Variants in PCDHA1 observed in about 807,000 individuals in gnomAD.
PCDHA1 encodes protocadherin alpha 1, also known as protocadherin alpha-1.
In PCDHA1, 42 loss-of-function variants were observed where a neutral mutation model predicts 61.3. The observed-to-expected ratio is 0.69, with a 90% CI of 0.54 to 0.89. The LOEUF (loss-of-function observed/expected upper bound fraction) is 0.89, where lower values mean the gene tolerates loss of function less well. Among genes scored for constraint, PCDHA1 ranks in the 40% least tolerant of loss-of-function variants. The pLI is 0.00. For synonymous variants in PCDHA1, 610 were observed against 553.8 expected (o/e 1.10, Z -1.43); for missense variants, 1,256 against 1,235.3 (o/e 1.02, Z -0.25).
intron 1 of PCDHA1, chr5:140,836,731 C>T (rs2150268895): frequency 1.2e-6 from 2 of 1,609,678 alleles, no homozygotes; most frequent in Middle Eastern, 1.6e-4. Context: ...CCATCCTCTA[C>T]AGACAATGTG....
chr5:140,939,851 A>G (rs1313215259), intron 1 of PCDHA1, among the ~76,000 whole-genome samples: 2 of 152,206 alleles, frequency 1.3e-5, no homozygotes, highest in African/African-American at 4.8e-5. Context: ...TGTGTTCTGT[A>G]TATGTCCATT....
At chr5:140,952,675 T>A (rs2153696875) in intron 1 of PCDHA1, among the ~76,000 whole-genome samples, 1 of 152,326 alleles carries the variant, frequency 6.6e-6, no homozygotes, top group East Asian at 1.9e-4. Context: ...ACTTTCACAT[T>A]TTCAGGATCT....
chr5:140,906,262 A>AAT (rs2072503500), intron 1 of PCDHA1, among the ~76,000 whole-genome samples: 2 of 152,306 alleles, frequency 1.3e-5, no homozygotes, highest in African/African-American at 4.8e-5. Flanking sequence ...CACCTCCTGA[A>AAT]ATTATAGATA....
Position 140,787,571 on chromosome 5 carries a change from G to C in PCDHA1, c.1281G>C (p.Ala427=). 1 of 1,614,220 alleles carries C rather than the reference G, an allele frequency of 6.2e-7. No homozygotes were observed. The highest frequency in any genetic ancestry group is 8.5e-7 in the Non-Finnish European group (1 of 1,180,046). ...CGGTCTATGAGCTGGTGGTGACCGC[G>C]CGGGACGGGGGCTCGCCTTCGCTGT... ...SLSVYELVVT[A]RDGGSPSLWA... Residue 427 remains alanine, a synonymous_variant, in exon 1 of 4, where the codon GCG becomes GCC. Transcript: ENST00000504120.
intron 1 of PCDHA1, among the ~76,000 whole-genome samples, chr5:140,880,228 A>G (rs2058273237): frequency 6.6e-6 from 1 of 152,196 alleles, no homozygotes; most frequent in Non-Finnish European, 1.5e-5. Context: ...GAACATTTAA[A>G]TTAGTGTATG....
chr5:140,883,817 G>A, intron 1 of PCDHA1: 1 of 1,612,636 alleles, frequency 6.2e-7, no homozygotes, highest in Non-Finnish European at 8.5e-7. Context: ...GAGCGGCAAG[G>A]TGTACGCGCT....
chr5:140,846,373 CTTT>C (rs374699051), intron 1 of PCDHA1, among the ~76,000 whole-genome samples: 4 of 55,148 alleles, frequency 7.3e-5, no homozygotes, highest in Middle Eastern at 0.012. Flanking sequence ...TTCTTTCTTT[CTTT>C]TTTTTTTTTT....
In PCDHA1 at chr5:140,786,889, T is replaced by G. The variant is rs1761338494; in HGVS notation, c.599T>G (p.Leu200Trp). The G allele has an allele frequency of 6.2e-7, 1 of 1,614,158 alleles. No individual in the cohort carries two copies. The highest frequency in any genetic ancestry group is 1.3e-5 in the African/African-American group (1 of 75,050). ...CTTTGGCTTGAATTGAGAAAATATTTGGATAGAGAAGAAACACCAGAACTT... is the reference window on the plus strand; with the variant it reads ...CTTTGGCTTGAATTGAGAAAATATTGGGATAGAGAAGAAACACCAGAACTT... ...KSLWLELRKY[L>W]DREETPELHL... is the part of the protein sequence containing the mutation. The change falls in exon 1 of 4, where the codon TTG (leucine) becomes TGG (tryptophan). Residue 200 changes from leucine (L) to tryptophan (W), a missense_variant. Transcript: ENST00000504120.
At chr5:140,997,420 G>A (rs1300822693) in intron 3 of PCDHA1, among the ~76,000 whole-genome samples, 4 of 152,042 alleles carry the variant, frequency 2.6e-5, no homozygotes, top group African/African-American at 9.7e-5. Flanking sequence ...TTTCTCCTAG[G>A]CTACAAACCT....
At chr5:140,844,210 G>A (rs2150369516) in intron 1 of PCDHA1, among the ~76,000 whole-genome samples, 22 of 149,554 alleles carry the variant, frequency 1.5e-4, no homozygotes, top group African/African-American at 5.4e-4. Context: ...GTGTCTGGTA[G>A]TCACAAATAT....
At chr5:140,828,675 T>C in intron 1 of PCDHA1, 13 of 1,614,212 alleles carry the variant, frequency 8.1e-6, no homozygotes, top group Non-Finnish European at 9.3e-6. Flanking sequence ...ATTGGGCTCT[T>C]ATTAAAGAAA....
Position 140,787,475 on chromosome 5 carries a change from C to G in PCDHA1, c.1185C>G (p.Phe395Leu). The change falls in exon 1 of 4, where the codon TTC becomes TTG. Residue 395 changes from phenylalanine (F) to leucine (L), a missense_variant. Transcript: ENST00000504120. ...VTCSLMPHVP[F>L]KLVSTFKNYY... ...GCTCCTTAATGCCCCACGTCCCCTT[C>G]AAGCTGGTGTCCACCTTCAAGAATT... The G allele has an allele frequency of 6.2e-7, 1 of 1,614,228 alleles. No homozygotes were observed. The highest frequency in any genetic ancestry group is 8.5e-7 in the Non-Finnish European group (1 of 1,180,048).
chr5:140,966,413 A>G, intron 1 of PCDHA1: 2 of 419,134 alleles, frequency 4.8e-6, no homozygotes, highest in South Asian at 1.0e-4. Flanking sequence ...GAATCAGAGC[A>G]GGACTTGCTG....
chr5:140,864,192 T>A (rs528891456), intron 1 of PCDHA1: 1 of 152,324 alleles, frequency 6.6e-6, no homozygotes, highest in Admixed American at 6.5e-5. Flanking sequence ...TAATGATCCT[T>A]ATGAGAAGGT....
At chr5:140,871,609 A>G (rs1554165776) in intron 1 of PCDHA1, 1 of 1,428,296 alleles carries the variant, frequency 7.0e-7, no homozygotes, top group East Asian at 2.5e-5. Flanking sequence ...TGTTTTGAAT[A>G]TTGTTTTAGA....
chr5:140,884,339 G>C, intron 1 of PCDHA1: 1 of 1,613,906 alleles, frequency 6.2e-7, no homozygotes, highest in African/African-American at 1.3e-5. Flanking sequence ...GGGTCCAGAA[G>C]CGGCGCTGGT....
In PCDHA1 at chr5:140,855,913, A is replaced by G. The variant is rs560286204; in HGVS notation, c.2394+67229A>G. 287 of 1,174,758 alleles carry G rather than the reference A, an allele frequency of 2.4e-4. 22 individuals carry two copies. Among genetic ancestry groups the G allele is most frequent in the Admixed American group, 2.2e-3 (83 of 38,140 alleles). 72.8% of individuals were successfully genotyped at this position (1,174,758 alleles called of 1,614,324 possible). ...AAAGGCATCAGCCAGTTTCTCAAGG[A>G]CTAGGAAGTAGCGTCATTCTGAGAT... On this transcript the variant is annotated intron_variant, in intron 1 of 3. Transcript: ENST00000504120.
At position 140,836,487 on chromosome 5, in the gene PCDHA1, A is replaced by G. The variant is rs1774512813; in HGVS notation, c.2394+47803A>G. On this transcript the variant is annotated intron_variant, in intron 1 of 3. Transcript: ENST00000504120. The stretch of plus-strand genomic sequence containing the variant: ...GGTGGATGTCAACGTGTACCTGATC[A>G]TCGCCATCTGCGCGGTGTCCAGTCT... 1 of 1,613,880 alleles carries G rather than the reference A, an allele frequency of 6.2e-7. No individual in the cohort carries two copies. The highest frequency in any genetic ancestry group is 8.5e-7 in the Non-Finnish European group (1 of 1,179,854).
In PCDHA1 at chr5:140,843,250, G is replaced by C; in HGVS notation, c.2394+54566G>C. The stretch of plus-strand genomic sequence containing the variant: ...GTGTCCTGGACGAAGCGGACTCTCC[G>C]CGCCACCGTCTGCTGGTCCTGGTGA... On this transcript the variant is annotated intron_variant, in intron 1 of 3. Transcript: ENST00000504120. 14 of 1,596,012 alleles carry C rather than the reference G, an allele frequency of 8.8e-6. 3 individuals carry two copies. Among genetic ancestry groups the C allele is most frequent in the Non-Finnish European group, 1.1e-5 (13 of 1,165,570 alleles).
Sources: allele counts gnomAD v4.1 joint callset (sites outside exome capture counted in the v4.1 genomes callset), GRCh38; gene constraint gnomAD v4.1.1; transcripts MANE v1.5; gene names NCBI Gene and HGNC (gene_info 2026-07-23, HGNC 2026-07-21).